ABLIM1: variants seen among roughly 807,000 people sequenced by gnomAD.
ABLIM1 encodes the protein actin-binding LIM protein 1.
A neutral mutation model predicts 107.0 loss-of-function variants in ABLIM1; 40 were observed. The ratio of observed to expected loss-of-function variants is 0.37; its 90% CI spans 0.29 to 0.49. The LOEUF is 0.49. Ranked by LOEUF, ABLIM1 falls within the 20% of genes least tolerant of loss-of-function variation. The probability of loss-of-function intolerance (pLI) is 0.97; values close to 1 mark genes in which losing one functional copy is unlikely to be tolerated. For synonymous variants in ABLIM1, 357 were observed against 357.3 expected (o/e 1.00, Z 0.01); for missense variants, 857 against 1,008.5 (o/e 0.85, Z 2.04).
intron 1 of ABLIM1, among the ~76,000 whole-genome samples, chr10:114,739,530 A>T (rs1566291173): frequency 6.6e-6 from 1 of 152,232 alleles, no homozygotes. Flanking sequence ...GCATTGTTTG[A>T]AAGTATTAAT....
rs1462470598 is a variant in ABLIM1, at chr10:114,657,828, A to G, written c.244+129T>C. ...CTCCATCTCTCCCACCCTCACCCCC[A>G]TTAATTATATATTAAGGATAGTGTT... On this transcript the variant is annotated intron_variant, in intron 1 of 22. Transcript: ENST00000533213. The G allele has an allele frequency of 8.9e-6, 7 of 788,888 alleles. No homozygotes were observed. In the African/African-American group the frequency reaches 1.0e-4, roughly 12 times the overall value. The allele number at this position is 788,888 out of a possible 1,614,324, so 48.9% of individuals were successfully genotyped here.
exon 1 of ABLIM1, chr10:114,684,841 T>A: frequency 1.8e-6 from 1 of 549,354 alleles, no homozygotes; most frequent in Non-Finnish European, 2.3e-6. Context: ...TTCTGCCTCC[T>A]CTTTTTCCTT....
intron 1 of ABLIM1, among the ~76,000 whole-genome samples, chr10:114,754,600 G>A (rs1036943370): frequency 3.9e-5 from 6 of 152,136 alleles, no homozygotes; most frequent in African/African-American, 1.4e-4. Context: ...ATGAATCAGG[G>A]GGAAAGGTTG....
At chr10:114,782,858 G>A in the ABLIM1 span, among the ~76,000 whole-genome samples, 2 of 152,084 alleles carry the variant, frequency 1.3e-5, no homozygotes, top group Admixed American at 6.5e-5. Context: ...AGGATTTGCC[G>A]ATGGATTAGA....
intron 1 of ABLIM1, among the ~76,000 whole-genome samples, chr10:114,725,918 TTC>T (rs1369634187): frequency 6.6e-6 from 1 of 151,896 alleles, no homozygotes; most frequent in Non-Finnish European, 1.5e-5. Flanking sequence ...GCTAATTGTT[TTC>T]TGTTTTTTGT....
At chr10:114,467,248 A>G (rs1424201482) in intron 11 of ABLIM1, among the ~76,000 whole-genome samples, 2 of 152,248 alleles carry the variant, frequency 1.3e-5, no homozygotes, top group African/African-American at 2.4e-5. Flanking sequence ...AAAAGGATAT[A>G]TTAGGTAATA....
intron 1 of ABLIM1, among the ~76,000 whole-genome samples, chr10:114,706,834 A>G (rs2081431821): frequency 6.6e-6 from 1 of 151,972 alleles, no homozygotes; most frequent in South Asian, 2.1e-4. Context: ...GTGATTCATT[A>G]TGTTTCAGTT....
At chr10:114,635,971 G>A (rs528564466) in intron 1 of ABLIM1, among the ~76,000 whole-genome samples, 7 of 152,330 alleles carry the variant, frequency 4.6e-5, no homozygotes, top group South Asian at 4.1e-4. Context: ...CACCTGCTGC[G>A]TGCCAGGTAC....
At position 114,533,689 on chromosome 10, in the gene ABLIM1, CAG is replaced by C. The variant is rs1452092126; in HGVS notation, c.894+11314_894+11315del. Among the ~76,000 whole-genome samples the C allele has an allele frequency of 2.0e-5, 3 of 152,144 alleles. No homozygotes were observed. The East Asian group carries it at 5.8e-4, about 29-fold the overall frequency. On this transcript the variant is annotated intron_variant, in intron 6 of 22. Transcript: ENST00000533213. The stretch of plus-strand genomic sequence containing the variant: ...TGTTGTTGTTGTTGTTGTTTTGAGA[CAG>C]AGTCTTGCTCTGTCCCCCAGGCTGG...
At chr10:114,688,764 T>C (rs1268418897), upstream of ABLIM1, among the ~76,000 whole-genome samples, 1 of 152,150 alleles carries the variant, frequency 6.6e-6, no homozygotes, top group African/African-American at 2.4e-5. Context: ...CTAAAACTAT[T>C]CTCAAGAATA....
chr10:114,601,298 C>T (rs2075974645), intron 2 of ABLIM1, among the ~76,000 whole-genome samples: 1 of 148,144 alleles, frequency 6.8e-6, no homozygotes, highest in African/African-American at 2.5e-5. Flanking sequence ...GAGTCTCACT[C>T]TTGTTGCTCA....
intron 6 of ABLIM1, among the ~76,000 whole-genome samples, chr10:114,506,449 C>T (rs1446115347): frequency 1.3e-5 from 2 of 152,190 alleles, no homozygotes; most frequent in Non-Finnish European, 2.9e-5. Context: ...CTGCTTTCTA[C>T]AGTGGCTGAG....
chr10:114,604,511 C>T (rs551852646), intron 1 of ABLIM1, among the ~76,000 whole-genome samples: 18 of 152,344 alleles, frequency 1.2e-4, no homozygotes, highest in African/African-American at 4.3e-4. Context: ...ATATCAGAAC[C>T]TTCTGTACCA....
At chr10:114,696,890 G>A (rs902487791) in intron 1 of ABLIM1, among the ~76,000 whole-genome samples, 1 of 152,056 alleles carries the variant, frequency 6.6e-6, no homozygotes, top group Non-Finnish European at 1.5e-5. Flanking sequence ...CCAAATATAG[G>A]CACATCCTGA....
chr10:114,753,492 C>T (rs547561727), intron 1 of ABLIM1, among the ~76,000 whole-genome samples: 1 of 152,168 alleles, frequency 6.6e-6, no homozygotes, highest in African/African-American at 2.4e-5. Context: ...AGGTATGCTA[C>T]AGCCATATGA....
chr10:114,500,716 GGGAAAGGAAGGGAAA>G (rs1246191711), intron 6 of ABLIM1, among the ~76,000 whole-genome samples: 1 of 109,114 alleles, frequency 9.2e-6, no homozygotes, highest in East Asian at 2.5e-4. Context: ...GAGAAGGGAA[GGGAAAGGAAGGGAAA>G]GGAAGGGAAG....
At chr10:114,460,035 TAA>T (rs1437699475) in intron 12 of ABLIM1, among the ~76,000 whole-genome samples, 1 of 152,242 alleles carries the variant, frequency 6.6e-6, no homozygotes, top group African/African-American at 2.4e-5. Flanking sequence ...ATTCTTGGTC[TAA>T]GAGTCAATAA....
chr10:114,509,993 T>G (rs946685772), intron 6 of ABLIM1, among the ~76,000 whole-genome samples: 6 of 152,078 alleles, frequency 3.9e-5, no homozygotes, highest in African/African-American at 1.4e-4. Context: ...AACCATCAGA[T>G]TTTGTGAGAC....
chr10:114,481,298 C>G (rs959745003), intron 8 of ABLIM1, among the ~76,000 whole-genome samples: 4 of 151,860 alleles, frequency 2.6e-5, no homozygotes, highest in African/African-American at 9.7e-5. Flanking sequence ...CCCCATTCAG[C>G]AGGAGCAGGG....
Sources: allele counts gnomAD v4.1 joint callset (sites outside exome capture counted in the v4.1 genomes callset), GRCh38; gene constraint gnomAD v4.1.1; transcripts MANE v1.5; gene names NCBI Gene and HGNC (gene_info 2026-07-23, HGNC 2026-07-21).